Variants in TCF7L1 observed in about 807,000 individuals in gnomAD.
TCF7L1 encodes the protein transcription factor 7-like 1.
Under a neutral mutation model 63.7 loss-of-function variants are expected in TCF7L1, and 18 were observed. That is an observed-to-expected ratio of 0.28 (90% CI 0.20 to 0.42). The LOEUF is 0.42. Ranked by LOEUF, TCF7L1 falls within the 10% of genes least tolerant of loss-of-function variation. The probability of loss-of-function intolerance (pLI) is 1.00; values close to 1 mark genes in which losing one functional copy is unlikely to be tolerated. For missense variants in TCF7L1, 654 were observed against 779.3 expected, an observed-to-expected ratio of 0.84 and a Z score of 1.91; for synonymous variants, 355 against 340.9, an observed-to-expected ratio of 1.04 and a Z score of -0.46.
chr2:85,162,817 C>T (rs975931134), intron 3 of TCF7L1, among the ~76,000 whole-genome samples: 10 of 152,106 alleles, frequency 6.6e-5, no homozygotes, highest in Non-Finnish European at 8.8e-5. Context: ...GCTGCTGGCA[C>T]GGAGGAGCTT....
intron 3 of TCF7L1, among the ~76,000 whole-genome samples, chr2:85,199,435 G>A (rs1679225869): frequency 6.6e-6 from 1 of 152,158 alleles, no homozygotes. Context: ...TAAAATAACA[G>A]ATATCTAAAC....
intron 3 of TCF7L1, among the ~76,000 whole-genome samples, chr2:85,206,589 A>G (rs542650462): frequency 2.9e-4 from 44 of 152,270 alleles, no homozygotes; most frequent in Non-Finnish European, 3.5e-4. Flanking sequence ...GGCCGACACT[A>G]TATTGAGAGT....
At chr2:85,166,745 C>T (rs1197878043) in intron 3 of TCF7L1, among the ~76,000 whole-genome samples, 4 of 152,164 alleles carry the variant, frequency 2.6e-5, no homozygotes, top group Non-Finnish European at 1.5e-5. Flanking sequence ...GGTTTTGTCC[C>T]AAAGCTGGTC....
At chr2:85,149,610 C>T (rs144328027) in intron 3 of TCF7L1, among the ~76,000 whole-genome samples, 69 of 152,152 alleles carry the variant, frequency 4.5e-4, no homozygotes, top group African/African-American at 1.4e-3. Context: ...CTGCAGCCTC[C>T]GCCTCCCGGG....
intron 3 of TCF7L1, among the ~76,000 whole-genome samples, chr2:85,282,143 A>T (rs907409386): frequency 3.3e-5 from 5 of 152,028 alleles, no homozygotes; most frequent in Admixed American, 3.3e-4. Flanking sequence ...CTGCGCCACC[A>T]CACCCAGCTA....
chr2:85,180,827 A>G (rs1678789180), intron 3 of TCF7L1, among the ~76,000 whole-genome samples: 1 of 152,208 alleles, frequency 6.6e-6, no homozygotes, highest in African/African-American at 2.4e-5. Context: ...AAGGAAGCTG[A>G]GGTGCTGGGA....
At chr2:85,247,292 C>T (rs558093244) in intron 3 of TCF7L1, among the ~76,000 whole-genome samples, 1 of 152,344 alleles carries the variant, frequency 6.6e-6, no homozygotes, top group African/African-American at 2.4e-5. Flanking sequence ...CACTCATATG[C>T]ATCCTATTTC....
At chr2:85,239,404 T>C (rs1680273553) in intron 3 of TCF7L1, among the ~76,000 whole-genome samples, 1 of 152,126 alleles carries the variant, frequency 6.6e-6, no homozygotes, top group South Asian at 2.1e-4. Context: ...CAGTGTGGAC[T>C]GTTTCTCCTC....
intron 3 of TCF7L1, chr2:85,262,121 T>A (rs1271625004): frequency 5.5e-6 from 3 of 544,802 alleles, no homozygotes; most frequent in African/African-American, 1.9e-5. Context: ...TGTTTTAGAA[T>A]GAATCTCTTC....
chr2:85,232,237 G>A (rs1165875963), intron 3 of TCF7L1, among the ~76,000 whole-genome samples: 2 of 152,148 alleles, frequency 1.3e-5, no homozygotes, highest in Non-Finnish European at 2.9e-5. Flanking sequence ...CTCTGTGTGT[G>A]TTTGTTTTTG....
At chr2:85,256,199 G>A (rs1680712854) in intron 3 of TCF7L1, among the ~76,000 whole-genome samples, 1 of 152,218 alleles carries the variant, frequency 6.6e-6, no homozygotes, top group African/African-American at 2.4e-5. Context: ...TTTGGGGCCG[G>A]TTGGCGTCCC....
chr2:85,189,165 TC>T (rs1255929590), intron 3 of TCF7L1, among the ~76,000 whole-genome samples: 1 of 152,138 alleles, frequency 6.6e-6, no homozygotes, highest in African/African-American at 2.4e-5. Context: ...TGGGTGATTC[TC>T]CCCTTCCTGG....
At chr2:85,212,726 T>A (rs1679597359) in intron 3 of TCF7L1, among the ~76,000 whole-genome samples, 1 of 152,068 alleles carries the variant, frequency 6.6e-6, no homozygotes, top group Admixed American at 6.5e-5. Flanking sequence ...GCAAATGGGT[T>A]TGGGTCTTGG....
intron 3 of TCF7L1, among the ~76,000 whole-genome samples, chr2:85,236,170 C>CG (rs950436776): frequency 3.0e-5 from 4 of 132,548 alleles, no homozygotes; most frequent in African/African-American, 8.4e-5. Flanking sequence ...GCCATCCCCC[C>CG]CCCAAAAAAA....
chr2:85,306,431 C>T lies in TCF7L1; in HGVS notation c.1150-21C>T. On this transcript the variant is annotated intron_variant, in intron 9 of 11. Transcript: ENST00000282111. This position sits in a 1 kb window ranked among gnomAD's most constrained non-coding sequence, Gnocchi z 4.3. ...CCCTGCATTGATGGCTCCGTGTGGT[C>T]TCTGACCCTCTCTCCCCCAGTGGCA... 3 of 1,614,062 alleles carry T rather than the reference C, an allele frequency of 1.9e-6. No individual in the cohort carries two copies. The highest frequency in any genetic ancestry group is 2.5e-6 in the Non-Finnish European group (3 of 1,179,956).
At chr2:85,280,419 A>G (rs1681383393) in intron 3 of TCF7L1, among the ~76,000 whole-genome samples, 2 of 152,164 alleles carry the variant, frequency 1.3e-5, no homozygotes, top group Non-Finnish European at 1.5e-5. Context: ...TGAGAGGATT[A>G]TTTAAGACCC....
In TCF7L1 at chr2:85,303,878, T is replaced by G; in HGVS notation, c.659-17T>G. On this transcript the variant is annotated splice_polypyrimidine_tract_variant and intron_variant, in intron 5 of 11. Transcript: ENST00000282111. ...CAGGGCGAGGGAACAGTCTGACATA[T>G]CTCTCTTTGGAAGCAGGAATCCCCC... 6.3e-7 allele frequency: 1 copy of G among 1,586,848 alleles called. No individual in the cohort carries two copies.
intron 3 of TCF7L1, among the ~76,000 whole-genome samples, chr2:85,168,748 C>T (rs1413006549): frequency 2.6e-5 from 4 of 152,042 alleles, no homozygotes; most frequent in South Asian, 2.1e-4. Context: ...CAGCCTTCTG[C>T]GTAGCTGGGA....
chr2:85,148,364 C>T (rs1677929431), intron 3 of TCF7L1, among the ~76,000 whole-genome samples: 1 of 152,144 alleles, frequency 6.6e-6, no homozygotes, highest in Non-Finnish European at 1.5e-5. Context: ...AACAGGCCAC[C>T]CCTTGTCCCT....
Sources: allele counts gnomAD v4.1 joint callset (sites outside exome capture counted in the v4.1 genomes callset), GRCh38; gene constraint gnomAD v4.1.1; non-coding constraint Gnocchi (gnomAD v3.1); transcripts MANE v1.5; gene names NCBI Gene and HGNC (gene_info 2026-07-23, HGNC 2026-07-21).